The following SPTBN1 variants were observed in gnomAD, a reference collection of about 807,000 sequenced individuals.
SPTBN1 encodes spectrin beta chain, non-erythrocytic 1.
A neutral mutation model predicts 266.4 loss-of-function variants in SPTBN1; 32 were observed. That is an observed-to-expected ratio of 0.12 (90% CI 0.09 to 0.16). The LOEUF (loss-of-function observed/expected upper bound fraction) is 0.16, where lower values mean the gene tolerates loss of function less well. SPTBN1 is among the 10% of genes least tolerant of loss of function. The pLI is 1.00. For synonymous variants in SPTBN1, 1,336 were observed against 1,162.2 expected (o/e 1.15, Z -3.04); for missense variants, 2,296 against 3,067.1 (o/e 0.75, Z 5.94).
In SPTBN1 at chr2:54,629,153, C is replaced by T. The variant is rs1278989755; in HGVS notation, c.2019C>T (p.Val673=). 6.2e-7 allele frequency: 1 copy of T among 1,613,478 alleles called. No individual in the cohort carries two copies. Among genetic ancestry groups the T allele is most frequent in the Non-Finnish European group, 8.5e-7 (1 of 1,179,912 alleles). Residue 673 remains valine (V), a synonymous_variant, in exon 14 of 36, where the codon GTC becomes GTT. Coordinates refer to ENST00000356805, the MANE Select transcript of SPTBN1 (RefSeq NM_003128.3). ...ATTACGGGAAAGACCTGACCAGCGT[C>T]ATGCGCCTGCTCAGCAAGCACCGGG... ...SDDYGKDLTS[V]MRLLSKHRAF...
At chr2:54,553,889 G>A (rs914168475) in intron 2 of SPTBN1, among the ~76,000 whole-genome samples, 3 of 152,156 alleles carry the variant, frequency 2.0e-5, no homozygotes, top group Non-Finnish European at 4.4e-5. Flanking sequence ...TCAAGACTGT[G>A]TAAAGCCTCT....
At chr2:54,636,397 A>G (rs372593493) in intron 17 of SPTBN1, among the ~76,000 whole-genome samples, 1 of 152,222 alleles carries the variant, frequency 6.6e-6, no homozygotes, top group Non-Finnish European at 1.5e-5. Flanking sequence ...AAATATGTAT[A>G]ATTTCTACTG....
chr2:54,596,405 T>C (rs904785000), intron 2 of SPTBN1, among the ~76,000 whole-genome samples: 4 of 152,332 alleles, frequency 2.6e-5, no homozygotes, highest in African/African-American at 9.6e-5. Context: ...CTCCAAGTGC[T>C]CCATTGTAAG....
intron 4 of SPTBN1, among the ~76,000 whole-genome samples, chr2:54,614,570 A>C (rs867651435): frequency 1.3e-5 from 2 of 152,196 alleles, no homozygotes; most frequent in Non-Finnish European, 2.9e-5. Flanking sequence ...TGGGAGGCCA[A>C]GGTGGGTGGA....
At chr2:54,520,811 C>T (rs1483704332) in intron 1 of SPTBN1, among the ~76,000 whole-genome samples, 1 of 152,122 alleles carries the variant, frequency 6.6e-6, no homozygotes, top group African/African-American at 2.4e-5. Context: ...ATTTAACGAG[C>T]TCCTACTGTG....
At position 54,626,528 on chromosome 2, in the gene SPTBN1, T is replaced by G. The variant is rs1421887747; in HGVS notation, c.1644+294T>G. On this transcript the variant is annotated intron_variant, in intron 12 of 35. Transcript: ENST00000356805. This position sits in a 1 kb window ranked among gnomAD's most constrained non-coding sequence, Gnocchi z 4.7. ...ATTGTGGTTTTCTTTATTTTTAAGT[T>G]TTCAGGGTTAAACTAACTTACCGTT... Among the ~76,000 whole-genome samples, 1 of 152,030 alleles carries G rather than the reference T, an allele frequency of 6.6e-6. No homozygotes were observed. The highest frequency in any genetic ancestry group is 2.4e-5 in the African/African-American group (1 of 41,372).
At chr2:54,666,867 G>T (rs1412102925) in intron 34 of SPTBN1, among the ~76,000 whole-genome samples, 1 of 152,220 alleles carries the variant, frequency 6.6e-6, no homozygotes, top group Admixed American at 6.5e-5. Flanking sequence ...GATTTATTAA[G>T]CTCTGCTGCT....
At chr2:54,543,205 A>G (rs1672036654) in intron 2 of SPTBN1, among the ~76,000 whole-genome samples, 2 of 152,216 alleles carry the variant, frequency 1.3e-5, no homozygotes, top group Admixed American at 6.5e-5. Flanking sequence ...ATGGTGGGCA[A>G]GTGACTCCTT....
intron 24 of SPTBN1, 116 bp downstream of exon 24, chr2:54,647,377 A>C (rs1377604998): frequency 1.4e-6 from 2 of 1,396,658 alleles, no homozygotes; most frequent in Non-Finnish European, 9.6e-7. Flanking sequence ...TGGTAAGGCA[A>C]ATCTTTGAGA....
At chr2:54,549,521 G>A (rs1672447203) in intron 2 of SPTBN1, among the ~76,000 whole-genome samples, 1 of 152,222 alleles carries the variant, frequency 6.6e-6, no homozygotes, top group Non-Finnish European at 1.5e-5. Flanking sequence ...GCCAGTCAGT[G>A]TTAAAAGCTG....
chr2:54,495,354 T>G (rs1301264072), intron 1 of SPTBN1, among the ~76,000 whole-genome samples: 1 of 152,142 alleles, frequency 6.6e-6, no homozygotes, highest in East Asian at 1.9e-4. Context: ...AACCCTTATG[T>G]GATGCCACCC....
At chr2:54,647,877 T>G (rs1680023467) in intron 24 of SPTBN1, among the ~76,000 whole-genome samples, 1 of 152,150 alleles carries the variant, frequency 6.6e-6, no homozygotes, top group Admixed American at 6.5e-5. Context: ...ACAGGTTGAC[T>G]TGCATGGTGG....
intron 3 of SPTBN1, 45 bp from the exon 4 acceptor site, chr2:54,612,116 A>C (rs752759895): frequency 5.9e-6 from 9 of 1,529,262 alleles, no homozygotes. Context: ...GTTCATCTCT[A>C]CTCTGTTGGG....
rs577978623 is a variant in SPTBN1, at chr2:54,608,795, T to C, written c.301-3366T>C. Among the ~76,000 whole-genome samples, 267 of 152,202 alleles carry C rather than the reference T, an allele frequency of 1.8e-3. 1 individual carries two copies. Among genetic ancestry groups the C allele is most frequent in the African/African-American group, 6.3e-3 (260 of 41,526 alleles). ...GCCGCTGAAAATCTTCCTATGCATT[T>C]GATTCCCCCAAAACTTTTAATAGCC... is the stretch of plus-strand genomic sequence containing the variant. On this transcript the variant is annotated intron_variant, in intron 3 of 35. Transcript: ENST00000356805.
intron 17 of SPTBN1, among the ~76,000 whole-genome samples, chr2:54,634,426 C>T (rs759137986): frequency 3.3e-5 from 5 of 152,108 alleles, no homozygotes; most frequent in Admixed American, 6.6e-5. Context: ...AAAAATGAAA[C>T]GTAAAGATAA....
Position 54,526,615 on chromosome 2 carries a change from A to T in SPTBN1, c.148+49A>T, listed in dbSNP as rs558773643. 85 of 1,579,648 alleles carry T rather than the reference A, an allele frequency of 5.4e-5. 3 individuals carry two copies. In the South Asian group the frequency reaches 9.5e-4, roughly 18 times the overall value. ...GAGGCCCAGGATGCCTAAAATCAGG[A>T]TGCCCCTTAAAATCATCCACCCTGT... On this transcript the variant is annotated intron_variant, in intron 2 of 35. Coordinates refer to ENST00000356805, the MANE Select transcript of SPTBN1 (RefSeq NM_003128.3).
intron 2 of SPTBN1, among the ~76,000 whole-genome samples, chr2:54,550,236 C>T (rs368777726): frequency 2.1e-4 from 32 of 152,128 alleles, no homozygotes; most frequent in African/African-American, 3.9e-4. Flanking sequence ...CAGGCCTTGG[C>T]GCTCCTGAGT....
intron 2 of SPTBN1, chr2:54,529,421 A>G (rs1293234077): frequency 1.4e-6 from 1 of 698,030 alleles, no homozygotes; most frequent in Non-Finnish European, 2.6e-6. Flanking sequence ...AAAGGCCAAG[A>G]AGGTAGTGTT....
chr2:54,572,508 G>T (rs1432695584), intron 2 of SPTBN1, among the ~76,000 whole-genome samples: 1 of 152,168 alleles, frequency 6.6e-6, no homozygotes, highest in Non-Finnish European at 1.5e-5. Context: ...AGCAAATAGA[G>T]GCTGGGCTTC....
Sources: gnomAD v4.1 joint callset for allele counts (sites outside exome capture counted in the v4.1 genomes callset) on GRCh38, gnomAD v4.1.1 for gene constraint, Gnocchi (gnomAD v3.1) non-coding constraint, MANE v1.5 for transcripts, NCBI Gene and HGNC (gene_info 2026-07-23, HGNC 2026-07-21) for gene names.